NOTCH2: variants seen among roughly 807,000 people sequenced by gnomAD.
NOTCH2 encodes the protein notch receptor 2.
NOTCH2 carries 29 observed loss-of-function variants against 235.8 expected under a neutral mutation model. That is an observed-to-expected ratio of 0.12 (90% CI 0.09 to 0.17). The LOEUF (loss-of-function observed/expected upper bound fraction) is 0.17. Among genes scored for constraint, NOTCH2 ranks in the 10% least tolerant of loss-of-function variants. The pLI, the probability that NOTCH2 is intolerant of heterozygous loss-of-function variation, is 1.00. For synonymous variants in NOTCH2, 1,086 were observed against 1,141.5 expected (o/e 0.95, Z 0.98); for missense variants, 2,285 against 3,150.2 (o/e 0.73, Z 6.57).
At chr1:119,969,835 C>T (rs781784601) in intron 5 of NOTCH2, 91 bp from the exon 6 acceptor site, 159 of 1,176,424 alleles carry the variant, frequency 1.4e-4, no homozygotes, top group Non-Finnish European at 1.8e-4. Context: ...CTTCATGTGA[C>T]CTGTCTGAAA....
At chr1:120,027,624 CT>C (rs1374207606) in intron 2 of NOTCH2, among the ~76,000 whole-genome samples, 2 of 151,566 alleles carry the variant, frequency 1.3e-5, no homozygotes, top group African/African-American at 4.9e-5. Context: ...TCTCCCTCCC[CT>C]TTCCCCCCAC....
chr1:119,916,268 C>A lies in NOTCH2; in HGVS notation c.6454G>T (p.Asp2152Tyr). Residue 2152 changes from aspartate (D) to tyrosine (Y), a missense_variant, in exon 34 of 34, where the codon GAT (aspartate) becomes TAT (tyrosine). By Grantham distance (160) the Asp-to-Tyr change is radical. Coordinates refer to ENST00000256646, the MANE Select transcript of NOTCH2 (RefSeq NM_024408.4). ...SESSVTLSPV[D>Y]SLESPHTYVS... ...TACGTGTGAGGAGATTCTAGGGAAT[C>A]AACAGGGGATAAAGTTACTGAACTC... 1 of 1,614,154 alleles carries A rather than the reference C, an allele frequency of 6.2e-7. No individual in the cohort carries two copies. The highest frequency in any genetic ancestry group is 8.5e-7 in the Non-Finnish European group (1 of 1,180,032).
chr1:119,967,282 T>G (rs1424116889), intron 8 of NOTCH2, 151 bp downstream of exon 8: 11 of 806,820 alleles, frequency 1.4e-5, no homozygotes, highest in African/African-American at 5.0e-5. Context: ...GGTTTGCTTG[T>G]GAACCCTGAC....
intron 33 of NOTCH2, among the ~76,000 whole-genome samples, chr1:119,917,087 T>C (rs1649108703): frequency 6.6e-6 from 1 of 151,046 alleles, no homozygotes; most frequent in Admixed American, 6.6e-5. Flanking sequence ...TAAGAAATAA[T>C]AGGAAAAGGA....
rs146826619 is a variant in NOTCH2, at chr1:119,948,939, T to C, written c.2599+68A>G. 217 of 1,605,276 alleles carry C rather than the reference T, an allele frequency of 1.4e-4. No homozygotes were observed. In the African/African-American group the frequency reaches 2.3e-3, roughly 17 times the overall value. On this transcript the variant is annotated intron_variant, in intron 16 of 33. Coordinates refer to ENST00000256646, the MANE Select transcript of NOTCH2 (RefSeq NM_024408.4). Reference sequence around the variant, plus strand: ...GACCAGCAGGGCCTTCCATATGATCTGATAACCTGACCACTTTGTTTAAAG... The same window carrying C: ...GACCAGCAGGGCCTTCCATATGATCCGATAACCTGACCACTTTGTTTAAAG...
At chr1:120,002,917 G>A (rs1484489488) in intron 3 of NOTCH2, among the ~76,000 whole-genome samples, 1 of 149,444 alleles carries the variant, frequency 6.7e-6, no homozygotes, top group Non-Finnish European at 1.5e-5. Context: ...TGAAGATTAT[G>A]TGTGATCTCA....
intron 3 of NOTCH2, among the ~76,000 whole-genome samples, chr1:119,999,707 T>C (rs1772485): frequency 5.3e-4 from 81 of 152,066 alleles, no homozygotes; most frequent in Non-Finnish European, 6.3e-4. Flanking sequence ...CATGGTGAAA[T>C]GCCATCTTTT....
Position 119,911,684 on chromosome 1 carries a change from C to T in NOTCH2, c.*3622G>A. 4.3e-6 allele frequency: 1 copy of T among 233,058 alleles called. No homozygotes were observed. The highest frequency in any genetic ancestry group is 6.1e-5 in the East Asian group (1 of 16,516). The allele number at this position is 233,058 out of a possible 1,614,324, so 14.4% of individuals were successfully genotyped here. On this transcript the variant is annotated 3_prime_UTR_variant, in exon 34 of 34. Coordinates refer to ENST00000256646, the MANE Select transcript of NOTCH2 (RefSeq NM_024408.4). ...CACAAATTTCACTTAAGGAATGTTA[C>T]AAACCAATCATTTACATAACAGCAT...
chr1:119,970,074 CAAGGA>C (rs1553200207), intron 5 of NOTCH2, among the ~76,000 whole-genome samples: 1 of 151,904 alleles, frequency 6.6e-6, no homozygotes, highest in Non-Finnish European at 1.5e-5. Context: ...GTAAGAAGAG[CAAGGA>C]GAGAAGAGTA....
At chr1:119,977,589 C>T (rs1651637514) in intron 5 of NOTCH2, among the ~76,000 whole-genome samples, 1 of 152,146 alleles carries the variant, frequency 6.6e-6, no homozygotes. Flanking sequence ...TCTTTTTATT[C>T]CCCAACGTCA....
chr1:119,982,534 A>C (rs977916345), intron 5 of NOTCH2, among the ~76,000 whole-genome samples: 1 of 152,242 alleles, frequency 6.6e-6, no homozygotes, highest in Non-Finnish European at 1.5e-5. Flanking sequence ...GGGCCCTTTA[A>C]AACCCTTTTT....
chr1:120,035,504 T>A (rs1351943044), intron 1 of NOTCH2, among the ~76,000 whole-genome samples: 1 of 151,896 alleles, frequency 6.6e-6, no homozygotes, highest in South Asian at 2.1e-4. Flanking sequence ...GAACAGATCG[T>A]CATTGAACTC....
intron 1 of NOTCH2, among the ~76,000 whole-genome samples, chr1:120,064,740 C>A (rs1655436511): frequency 7.5e-6 from 1 of 132,732 alleles, no homozygotes; most frequent in Non-Finnish European, 1.5e-5. Flanking sequence ...GTTCAGGGGA[C>A]TCTCTTGGTT....
At chr1:119,991,780 TAGCGCCA>T (rs1652254268) in intron 4 of NOTCH2, 1 of 74,308 alleles carries the variant, frequency 1.3e-5, no homozygotes, top group Non-Finnish European at 2.3e-5. Flanking sequence ...TGAGCCGAGA[TAGCGCCA>T]TTGCACTCCA....
chr1:120,045,435 T>C (rs1654744297), intron 1 of NOTCH2, among the ~76,000 whole-genome samples: 1 of 125,248 alleles, frequency 8.0e-6, no homozygotes, highest in Non-Finnish European at 1.5e-5. Flanking sequence ...GCTCTGTCAT[T>C]TCTAGCTTAC....
chr1:119,976,468 G>C (rs1651584468), intron 5 of NOTCH2: 1 of 151,368 alleles, frequency 6.6e-6, no homozygotes, highest in Admixed American at 6.6e-5. Context: ...ATGTGGCTAA[G>C]GGGATAATGT....
chr1:119,974,343 T>A (rs972595784), intron 5 of NOTCH2, among the ~76,000 whole-genome samples: 2 of 152,218 alleles, frequency 1.3e-5, no homozygotes, highest in Non-Finnish European at 2.9e-5. Flanking sequence ...GTCATTTTTT[T>A]AACATCAGGA....
In NOTCH2 at chr1:119,981,053, T is replaced by C. The variant is rs1651793353; in HGVS notation, c.874+5907A>G. Among the ~76,000 whole-genome samples the C allele has an allele frequency of 1.3e-5, 2 of 152,178 alleles. 1 individual carries two copies. Among genetic ancestry groups the C allele is most frequent in the South Asian group, 4.1e-4 (2 of 4,830 alleles). On this transcript the variant is annotated intron_variant, in intron 5 of 33. Transcript: ENST00000256646. ...TCCCTCACAGACTTGACACATTCCA[T>C]GGTAACCCTGAGTCTCTCGTCCCTG...
At position 120,015,318 on chromosome 1, in the gene NOTCH2, A is replaced by G. The variant is rs587627675; in HGVS notation, c.156-9730T>C. 5.9e-5 allele frequency among the ~76,000 whole-genome samples: 9 copies of G among 152,262 alleles called. No homozygotes were observed. In the South Asian group the frequency reaches 6.2e-4, roughly 11 times the overall value. ...TTGCGCTGGGCCTCTTGGCCCCCCA[A>G]TCCGCAGTGGCAGCCTGCCCTAGCT... On this transcript the variant is annotated intron_variant, in intron 2 of 33. Transcript: ENST00000256646.
Sources: gnomAD v4.1 joint callset for allele counts (sites outside exome capture counted in the v4.1 genomes callset) on GRCh38, gnomAD v4.1.1 for gene constraint, MANE v1.5 for transcripts, NCBI Gene and HGNC (gene_info 2026-07-23, HGNC 2026-07-21) for gene names.